EYS: variants seen among roughly 807,000 people sequenced by gnomAD.
EYS encodes EGF-like photoreceptor maintenance factor, also known as protein eyes shut homolog.
Under a neutral mutation model 282.1 loss-of-function variants are expected in EYS, and 250 were observed. That is an observed-to-expected ratio of 0.89 (90% CI 0.80 to 0.98). EYS has a LOEUF of 0.98. Among genes scored for constraint, EYS ranks in the 50% least tolerant of loss-of-function variants. The pLI, the probability that EYS is intolerant of heterozygous loss-of-function variation, is 0.00. For synonymous variants in EYS, 1,355 were observed against 1,282.9 expected (o/e 1.06, Z -1.20); for missense variants, 4,016 against 3,709.0 (o/e 1.08, Z -2.15).
intron 19 of EYS, among the ~76,000 whole-genome samples, chr6:64,830,983 G>C (rs1401420957): frequency 6.6e-6 from 1 of 151,950 alleles, no homozygotes; most frequent in Admixed American, 6.6e-5. Context: ...GACTCAGTAT[G>C]GGTCAACTAT....
chr6:64,266,595 ACAAGT>A (rs1252995987), intron 30 of EYS, among the ~76,000 whole-genome samples: 1 of 152,160 alleles, frequency 6.6e-6, no homozygotes, highest in East Asian at 1.9e-4. Context: ...AACAAAAAAG[ACAAGT>A]CAGTTAAGGA....
At chr6:65,505,583 A>G (rs977516201) in intron 2 of EYS, among the ~76,000 whole-genome samples, 1 of 152,012 alleles carries the variant, frequency 6.6e-6, no homozygotes, top group African/African-American at 2.4e-5. Flanking sequence ...ACATGGTTTG[A>G]CCAGTTATAG....
At chr6:63,887,320 T>TTG (rs1773286969) in intron 35 of EYS, among the ~76,000 whole-genome samples, 1 of 149,646 alleles carries the variant, frequency 6.7e-6, no homozygotes, top group East Asian at 2.0e-4. Flanking sequence ...AGGTGTTTTT[T>TTG]TTTTTTTTTT....
At chr6:64,682,122 G>A (rs1239342154) in intron 22 of EYS, among the ~76,000 whole-genome samples, 1 of 152,146 alleles carries the variant, frequency 6.6e-6, no homozygotes, top group Non-Finnish European at 1.5e-5. Flanking sequence ...AAATTTCTTG[G>A]CTATTATAAA....
chr6:64,196,609 T>C (rs944238821), intron 31 of EYS, among the ~76,000 whole-genome samples: 6 of 151,778 alleles, frequency 4.0e-5, no homozygotes, highest in East Asian at 1.9e-4. Context: ...ATGGATGAAA[T>C]TGGAAATCAT....
intron 31 of EYS, among the ~76,000 whole-genome samples, chr6:64,105,162 G>A (rs1294024550): frequency 6.6e-6 from 1 of 151,874 alleles, no homozygotes; most frequent in African/African-American, 2.4e-5. Flanking sequence ...CAAGATGGTG[G>A]TTATGGGAGG....
In EYS at chr6:64,081,904, T is replaced by C. The variant is rs1771984821; in HGVS notation, c.6523A>G (p.Ile2175Val). ...CTGTTTGTTTTTATAGTCAAGTAGA[T>C]GGTAACAGTTCTGTTATGTTCCTTC... ...LEKEHNRTVT[I>V]YLTIKTNSLN... is the part of the protein sequence containing the mutation. The change falls in exon 32 of 43, where the codon ATC (isoleucine) becomes GTC (valine). Residue 2175 changes from isoleucine to valine, a missense_variant. Physicochemically the swap from Ile to Val is conservative, Grantham distance 29. Coordinates refer to ENST00000503581, the MANE Select transcript of EYS (RefSeq NM_001142800.2). The C allele has an allele frequency of 6.5e-7, 1 of 1,542,434 alleles. No homozygotes were observed. Among genetic ancestry groups the C allele is most frequent in the Non-Finnish European group, 8.8e-7 (1 of 1,139,396 alleles).
intron 22 of EYS, among the ~76,000 whole-genome samples, chr6:64,681,382 TAATA>T (rs1769887938): frequency 6.6e-6 from 1 of 152,102 alleles, no homozygotes. Flanking sequence ...TTCACTGGCT[TAATA>T]GAGTGTGACA....
chr6:65,429,190 A>C (rs1325339188), intron 5 of EYS, among the ~76,000 whole-genome samples: 12 of 152,046 alleles, frequency 7.9e-5, no homozygotes, highest in Non-Finnish European at 8.8e-5. Context: ...AAAAAAAAAA[A>C]ATGTTCTGGC....
intron 26 of EYS, among the ~76,000 whole-genome samples, chr6:64,551,474 AAAATAAAATTC>A: frequency 6.6e-6 from 1 of 151,892 alleles, no homozygotes; most frequent in Middle Eastern, 3.4e-3. Flanking sequence ...CTGTAAACCA[AAAATAAAATTC>A]TAAGCACCCC....
Position 65,433,090 on chromosome 6 carries a change from A to C in EYS, c.863-27723T>G, listed in dbSNP as rs552068553. On this transcript the variant is annotated intron_variant, in intron 5 of 42. Transcript: ENST00000503581. ...ATAGGTACCATTAAGGAAACACATC[A>C]AGTGGGCAGTTAGATACAAAACTAT... Among the ~76,000 whole-genome samples, 9 of 152,292 alleles carry C rather than the reference A, an allele frequency of 5.9e-5. 1 individual carries two copies. The East Asian group carries it at 1.7e-3, about 29-fold the overall frequency.
intron 19 of EYS, among the ~76,000 whole-genome samples, chr6:64,847,292 TG>T (rs1356501660): frequency 1.3e-5 from 2 of 152,018 alleles, no homozygotes; most frequent in Non-Finnish European, 2.9e-5. Context: ...TATGTGTGTG[TG>T]TGTGTGTGTA....
intron 35 of EYS, among the ~76,000 whole-genome samples, chr6:63,930,451 G>A (rs1764855289): frequency 6.6e-6 from 1 of 152,092 alleles, no homozygotes; most frequent in African/African-American, 2.4e-5. Context: ...GCATAGATTA[G>A]TAGTGTGCTA....
chr6:63,736,158 C>T (rs1768907435), intron 41 of EYS, among the ~76,000 whole-genome samples: 1 of 152,158 alleles, frequency 6.6e-6, no homozygotes, highest in African/African-American at 2.4e-5. Flanking sequence ...GAAGTCCTTG[C>T]CCATGCCTAT....
At chr6:65,653,953 C>G (rs921167827) in intron 1 of EYS, among the ~76,000 whole-genome samples, 1 of 151,888 alleles carries the variant, frequency 6.6e-6, no homozygotes, top group African/African-American at 2.4e-5. Flanking sequence ...ACACAGCCAC[C>G]ACAACCCGAG....
intron 36 of EYS, chr6:63,821,580 T>G (rs1177004830): frequency 2.0e-5 from 3 of 152,254 alleles, no homozygotes; most frequent in Non-Finnish European, 2.9e-5. Flanking sequence ...AATGACAGGT[T>G]GCTTCTTGAC....
rs527443466 is a variant in EYS, at chr6:64,369,187, C to T, written c.6078+19503G>A. Among the ~76,000 whole-genome samples, 5 of 152,104 alleles carry T rather than the reference C, an allele frequency of 3.3e-5. No homozygotes were observed. In the South Asian group the frequency reaches 8.3e-4, roughly 25 times the overall value. On this transcript the variant is annotated intron_variant, in intron 29 of 42. Transcript: ENST00000503581. ...AGTTTATCAAATAGGGAGTCCTTTCCCTATTACTTGTTTATGTCAGTTTTG... is the reference window on the plus strand; with the variant it reads ...AGTTTATCAAATAGGGAGTCCTTTCTCTATTACTTGTTTATGTCAGTTTTG...
At chr6:63,856,467 T>G (rs1285082249) in intron 36 of EYS, among the ~76,000 whole-genome samples, 1 of 152,236 alleles carries the variant, frequency 6.6e-6, no homozygotes, top group Admixed American at 6.5e-5. Flanking sequence ...TTTAGTGTTC[T>G]ACTGACAGTC....
intron 26 of EYS, among the ~76,000 whole-genome samples, chr6:64,539,800 C>A (rs1271671435): frequency 6.6e-6 from 1 of 152,178 alleles, no homozygotes; most frequent in Non-Finnish European, 1.5e-5. Flanking sequence ...TTCTTTCCAA[C>A]TAACATGCAT....
Sources: allele counts gnomAD v4.1 joint callset (sites outside exome capture counted in the v4.1 genomes callset), GRCh38; gene constraint gnomAD v4.1.1; transcripts MANE v1.5; gene names NCBI Gene and HGNC (gene_info 2026-07-23, HGNC 2026-07-21).